The following SDK1 variants were observed in gnomAD, a reference collection of about 807,000 sequenced individuals.
SDK1 encodes the protein protein sidekick-1.
A neutral mutation model predicts 245.5 loss-of-function variants in SDK1; 157 were observed. The observed-to-expected ratio is 0.64, with a 90% confidence interval of 0.56 to 0.73. SDK1 has a LOEUF of 0.73. SDK1 is among the 30% of genes least tolerant of loss of function. The probability of loss-of-function intolerance (pLI) is 0.00; values close to 1 mark genes in which losing one functional copy is unlikely to be tolerated. For synonymous variants in SDK1, 1,647 were observed against 1,278.5 expected (o/e 1.29, Z -6.15); for missense variants, 3,583 against 3,002.3 (o/e 1.19, Z -4.52).
At chr7:3,793,387 T>A (rs1383327980) in intron 4 of SDK1, among the ~76,000 whole-genome samples, 7 of 152,156 alleles carry the variant, frequency 4.6e-5, no homozygotes, top group Non-Finnish European at 7.3e-5. Flanking sequence ...TATTTGAAGA[T>A]CTTATGCTCT....
chr7:3,880,411 G>T (rs1239034881), intron 5 of SDK1, among the ~76,000 whole-genome samples: 1 of 152,138 alleles, frequency 6.6e-6, no homozygotes, highest in Admixed American at 6.5e-5. Flanking sequence ...ACGGGGCGGG[G>T]GCCTTGGGTA....
At chr7:3,445,480 A>G (rs1780315810) in intron 1 of SDK1, among the ~76,000 whole-genome samples, 1 of 152,226 alleles carries the variant, frequency 6.6e-6, no homozygotes, top group Non-Finnish European at 1.5e-5. Flanking sequence ...GACTGAAGTT[A>G]GGAACCATTC....
At chr7:3,809,027 A>G (rs1779319821) in intron 4 of SDK1, among the ~76,000 whole-genome samples, 1 of 152,150 alleles carries the variant, frequency 6.6e-6, no homozygotes, top group South Asian at 2.1e-4. Flanking sequence ...TTGTTATAAG[A>G]GAATACCCAA....
chr7:3,399,595 C>G (rs931026116), intron 1 of SDK1, among the ~76,000 whole-genome samples: 7 of 152,106 alleles, frequency 4.6e-5, no homozygotes, highest in Non-Finnish European at 7.4e-5. Context: ...GTTGATAAGG[C>G]TGCTGTTACT....
intron 1 of SDK1, among the ~76,000 whole-genome samples, chr7:3,523,644 A>G (rs550493593): frequency 2.6e-5 from 4 of 152,264 alleles, no homozygotes; most frequent in East Asian, 3.9e-4. Flanking sequence ...CTCAATGGGC[A>G]TAGTCTACCA....
chr7:4,024,130 G>C (rs1787148068), intron 17 of SDK1, among the ~76,000 whole-genome samples: 2 of 151,868 alleles, frequency 1.3e-5, no homozygotes, highest in African/African-American at 4.8e-5. Flanking sequence ...ATTTATTCTG[G>C]TTTCAGAACA....
chr7:4,193,388 AT>A (rs1373712209), intron 35 of SDK1, among the ~76,000 whole-genome samples: 15 of 139,440 alleles, frequency 1.1e-4, no homozygotes, highest in African/African-American at 3.5e-4. Flanking sequence ...ATATATATAT[AT>A]ATATATATAA....
intron 1 of SDK1, among the ~76,000 whole-genome samples, chr7:3,412,588 C>T (rs1286739031): frequency 6.6e-6 from 1 of 152,188 alleles, no homozygotes; most frequent in African/African-American, 2.4e-5. Context: ...CAGTCTTTTC[C>T]ACGTGTCATT....
intron 4 of SDK1, among the ~76,000 whole-genome samples, chr7:3,684,051 G>A (rs564154743): frequency 6.6e-6 from 1 of 152,256 alleles, no homozygotes; most frequent in African/African-American, 2.4e-5. Flanking sequence ...AAGCGTTCAG[G>A]TGCTCAAGTT....
chr7:3,541,887 A>C (rs1013861160), intron 1 of SDK1, among the ~76,000 whole-genome samples: 3 of 152,238 alleles, frequency 2.0e-5, no homozygotes, highest in South Asian at 2.1e-4. Context: ...TAATTTAAAC[A>C]GAGGAACAAA....
chr7:3,867,228 G>A (rs1780843164), intron 5 of SDK1, among the ~76,000 whole-genome samples: 1 of 152,084 alleles, frequency 6.6e-6, no homozygotes, highest in Non-Finnish European at 1.5e-5. Context: ...AGTTCAAACT[G>A]GCCAAAGAAA....
At chr7:3,928,205 A>G (rs1176786797) in intron 5 of SDK1, among the ~76,000 whole-genome samples, 1 of 152,244 alleles carries the variant, frequency 6.6e-6, no homozygotes, top group Non-Finnish European at 1.5e-5. Flanking sequence ...TACTGTATCC[A>G]GAACCATCAG....
intron 2 of SDK1, among the ~76,000 whole-genome samples, chr7:3,629,174 G>A (rs1445407211): frequency 9.9e-5 from 15 of 151,368 alleles, no homozygotes; most frequent in Non-Finnish European, 1.3e-4. Context: ...GGTGGCGGGC[G>A]CCTGTAGTCC....
chr7:4,174,413 G>A (rs1166085289), intron 33 of SDK1, 56 bp downstream of exon 33: 2 of 1,574,640 alleles, frequency 1.3e-6, no homozygotes, highest in Admixed American at 1.7e-5. Flanking sequence ...GGGACCCTTG[G>A]TATCTGCTCA....
intron 4 of SDK1, among the ~76,000 whole-genome samples, chr7:3,657,214 A>C (rs560337291): frequency 6.6e-6 from 1 of 152,308 alleles, no homozygotes; most frequent in East Asian, 1.9e-4. Flanking sequence ...GGCTGGGGCC[A>C]TGAGGAGGCT....
At chr7:3,588,896 G>C (rs1293372632) in intron 1 of SDK1, among the ~76,000 whole-genome samples, 1 of 152,156 alleles carries the variant, frequency 6.6e-6, no homozygotes, top group African/African-American at 2.4e-5. Context: ...TCATTTTTAT[G>C]TGTTTTGGCT....
intron 5 of SDK1, among the ~76,000 whole-genome samples, chr7:3,927,766 T>C (rs1271917828): frequency 6.6e-6 from 1 of 152,260 alleles, no homozygotes; most frequent in African/African-American, 2.4e-5. Context: ...ATTTCATAAA[T>C]AGATTTCTGA....
At chr7:3,677,841 C>T (rs1361866192) in intron 4 of SDK1, among the ~76,000 whole-genome samples, 1 of 152,180 alleles carries the variant, frequency 6.6e-6, no homozygotes, top group African/African-American at 2.4e-5. Context: ...AATATATTCA[C>T]ACATGGATAA....
chr7:3,917,023 A>T (rs1413222261), intron 5 of SDK1, among the ~76,000 whole-genome samples: 1 of 152,212 alleles, frequency 6.6e-6, no homozygotes, highest in East Asian at 1.9e-4. Context: ...ACTGGGGGCA[A>T]ATCTTTTCCA....
Sources: gnomAD v4.1 joint callset for allele counts (sites outside exome capture counted in the v4.1 genomes callset) on GRCh38, gnomAD v4.1.1 for gene constraint, MANE v1.5 for transcripts, NCBI Gene and HGNC (gene_info 2026-07-23, HGNC 2026-07-21) for gene names.